The following LYPD6B variants were observed in gnomAD, a reference collection of about 807,000 sequenced individuals.
LYPD6B encodes ly6/PLAUR domain-containing protein 6B.
LYPD6B carries 17 observed loss-of-function variants against 22.8 expected under a neutral mutation model. The observed-to-expected ratio is 0.75, with a 90% CI of 0.51 to 1.12. The LOEUF (loss-of-function observed/expected upper bound fraction) is 1.12, where lower values mean the gene tolerates loss of function less well. Ranked by LOEUF, LYPD6B falls within the 50% of genes most tolerant of loss-of-function variation. LYPD6B has a pLI of 0.00. For synonymous variants in LYPD6B, 106 were observed against 91.6 expected (o/e 1.16, Z -0.90); for missense variants, 221 against 258.3 (o/e 0.86, Z 0.99).
chr2:149,200,507 G>A (rs1223707729), intron 3 of LYPD6B: 1 of 130,742 alleles, frequency 7.6e-6, no homozygotes, highest in Non-Finnish European at 1.7e-5. Context: ...ACTGAGCATG[G>A]CCTGGGGAAT....
At chr2:149,168,416 ATCCAACCAAAGCATCACAT>A (rs1690581085) in intron 3 of LYPD6B, among the ~76,000 whole-genome samples, 2 of 152,206 alleles carry the variant, frequency 1.3e-5, no homozygotes, top group South Asian at 4.1e-4. Flanking sequence ...GTTATCAACA[ATCCAACCAAAGCATCACAT>A]TCCAAATTTA....
rs959797279 is a variant in LYPD6B, at chr2:149,154,127, C to T, written c.6-6637C>T. ...GATTTGTATTTCCCCCATCCCCCCA[C>T]CCCCCAAAAAAATCCAAGTTCCAAC... is the stretch of plus-strand genomic sequence containing the variant. On this transcript the variant is annotated intron_variant, in intron 2 of 6. Coordinates refer to ENST00000409642, the MANE Select transcript of LYPD6B (RefSeq NM_177964.5). 11 of 627,546 alleles carry T rather than the reference C, an allele frequency of 1.8e-5. No homozygotes were observed. In the African/African-American group the frequency reaches 2.1e-4, roughly 12 times the overall value. 38.9% of individuals were successfully genotyped at this position (627,546 alleles called of 1,614,324 possible).
chr2:149,160,457 A>G, intron 2 of LYPD6B: 1 of 497,032 alleles, frequency 2.0e-6, no homozygotes, highest in Non-Finnish European at 3.9e-6. Context: ...GTAAGCAGCC[A>G]TTTTTGTGGA....
intron 1 of LYPD6B, among the ~76,000 whole-genome samples, chr2:149,081,299 A>G (rs1685122872): frequency 6.6e-6 from 1 of 152,266 alleles, no homozygotes; most frequent in South Asian, 2.1e-4. Flanking sequence ...TTGGTTCCCA[A>G]TTGCCTTGAG....
intron 1 of LYPD6B, among the ~76,000 whole-genome samples, chr2:149,039,563 T>G (rs1346069434): frequency 6.6e-6 from 1 of 152,256 alleles, no homozygotes. Flanking sequence ...GTTACTGAAC[T>G]GCTCTGAGCC....
intron 1 of LYPD6B, among the ~76,000 whole-genome samples, chr2:149,067,471 A>G (rs559853086): frequency 6.6e-6 from 1 of 152,206 alleles, no homozygotes; most frequent in African/African-American, 2.4e-5. Context: ...AAAAGTAAAA[A>G]GCAATTTACC....
chr2:149,093,164 A>T (rs1685742812), intron 1 of LYPD6B, among the ~76,000 whole-genome samples: 1 of 152,196 alleles, frequency 6.6e-6, no homozygotes, highest in African/African-American at 2.4e-5. Context: ...GTTGCCAGGG[A>T]GAACAAGGAT....
At chr2:149,103,058 C>T (rs909869183) in intron 1 of LYPD6B, among the ~76,000 whole-genome samples, 2 of 152,204 alleles carry the variant, frequency 1.3e-5, no homozygotes. Flanking sequence ...ACCCAGTCCA[C>T]CTGTGGTTCA....
At chr2:149,049,515 A>T (rs1189032376) in intron 1 of LYPD6B, among the ~76,000 whole-genome samples, 1 of 152,242 alleles carries the variant, frequency 6.6e-6, no homozygotes. Flanking sequence ...CCAGTGGACA[A>T]GCTTTGGAAG....
At chr2:149,151,803 C>T (rs1689395739) in intron 2 of LYPD6B, among the ~76,000 whole-genome samples, 1 of 152,174 alleles carries the variant, frequency 6.6e-6, no homozygotes, top group Admixed American at 6.5e-5. Context: ...TGTAAATGAT[C>T]ATCTGAAAAT....
At chr2:149,124,291 A>G (rs1687557744) in intron 1 of LYPD6B, among the ~76,000 whole-genome samples, 2 of 152,212 alleles carry the variant, frequency 1.3e-5, no homozygotes, top group Admixed American at 6.5e-5. Context: ...CCTTGTAATT[A>G]TCAATGACGG....
intron 3 of LYPD6B, among the ~76,000 whole-genome samples, chr2:149,162,323 G>T (rs776796993): frequency 4.6e-5 from 7 of 152,142 alleles, no homozygotes; most frequent in African/African-American, 1.7e-4. Flanking sequence ...GTAAGGAAGG[G>T]TCTATTAATA....
intron 1 of LYPD6B, among the ~76,000 whole-genome samples, chr2:149,077,166 G>A (rs1011532562): frequency 6.6e-6 from 1 of 152,152 alleles, no homozygotes; most frequent in African/African-American, 2.4e-5. Context: ...GAACGCCCTG[G>A]CAGCTAATTT....
chr2:149,169,601 G>A (rs183491670), intron 3 of LYPD6B, among the ~76,000 whole-genome samples: 46 of 152,124 alleles, frequency 3.0e-4, no homozygotes, highest in Middle Eastern at 3.4e-3. Flanking sequence ...GTTCCCATAG[G>A]ATTTTTCTCC....
At chr2:149,062,598 A>AT (rs538155107) in intron 1 of LYPD6B, among the ~76,000 whole-genome samples, 10 of 151,008 alleles carry the variant, frequency 6.6e-5, no homozygotes, top group Non-Finnish European at 8.9e-5. Context: ...AGAAGTGATG[A>AT]TTTTTTTTTT....
chr2:149,083,154 A>G (rs1177563206), intron 1 of LYPD6B, among the ~76,000 whole-genome samples: 1 of 152,186 alleles, frequency 6.6e-6, no homozygotes, highest in Non-Finnish European at 1.5e-5. Context: ...AAAAAAGGAA[A>G]GCGCTTCATG....
At chr2:149,050,993 CG>C (rs1411325940) in intron 1 of LYPD6B, among the ~76,000 whole-genome samples, 1 of 151,708 alleles carries the variant, frequency 6.6e-6, no homozygotes, top group African/African-American at 2.4e-5. Flanking sequence ...GAAATAGTCA[CG>C]GTTTGCATTT....
chr2:149,121,736 G>A (rs562918935), intron 1 of LYPD6B, among the ~76,000 whole-genome samples: 3 of 152,100 alleles, frequency 2.0e-5, no homozygotes, highest in Non-Finnish European at 4.4e-5. Flanking sequence ...AGGACCTGCC[G>A]GGGCCAGGGC....
At chr2:149,197,460 C>A (rs548043609) in intron 3 of LYPD6B, among the ~76,000 whole-genome samples, 9 of 152,138 alleles carry the variant, frequency 5.9e-5, no homozygotes, top group Admixed American at 5.9e-4. Flanking sequence ...TGCAGTGAGC[C>A]GAGATCGCAC....
Sources: gnomAD v4.1 joint callset for allele counts (sites outside exome capture counted in the v4.1 genomes callset) on GRCh38, gnomAD v4.1.1 for gene constraint, MANE v1.5 for transcripts, NCBI Gene and HGNC (gene_info 2026-07-23, HGNC 2026-07-21) for gene names.